Variants in SEC11A observed in about 807,000 individuals in gnomAD.
SEC11A encodes the protein SEC11 homolog A, signal peptidase complex subunit.
SEC11A carries 14 observed loss-of-function variants against 25.6 expected under a neutral mutation model. The observed-to-expected ratio is 0.55, with a 90% CI of 0.36 to 0.85. The LOEUF (loss-of-function observed/expected upper bound fraction) is 0.85, where lower values mean the gene tolerates loss of function less well. SEC11A is among the 40% of genes least tolerant of loss of function. The probability of loss-of-function intolerance (pLI) is 0.01; values close to 1 mark genes in which losing one functional copy is unlikely to be tolerated. For missense variants in SEC11A, 153 were observed against 222.9 expected (o/e 0.69, Z 2.00); for synonymous variants, 83 against 76.4 (o/e 1.09, Z -0.45).
At position 84,669,922 on chromosome 15, in the gene SEC11A, G is replaced by A. The variant is rs575496805; in HGVS notation, c.*97C>T. On this transcript the variant is annotated 3_prime_UTR_variant, in exon 6 of 6. Coordinates refer to ENST00000268220, the MANE Select transcript of SEC11A (RefSeq NM_014300.4). ...CAGTGCTACCCAGAAGCACCAACAC[G>A]TGTGTTCTCCATTCCACCAATCACA... 33 of 1,594,344 alleles carry A rather than the reference G, an allele frequency of 2.1e-5. No individual in the cohort carries two copies. The highest frequency in any genetic ancestry group is 1.6e-4 in the South Asian group (14 of 87,618).
chr15:84,707,687 G>A (rs1364702413), intron 1 of SEC11A, among the ~76,000 whole-genome samples: 2 of 152,106 alleles, frequency 1.3e-5, no homozygotes, highest in Non-Finnish European at 2.9e-5. Flanking sequence ...TAAAACCACA[G>A]TTTCTCCTAA....
intron 1 of SEC11A, among the ~76,000 whole-genome samples, chr15:84,703,240 C>G (rs942162251): frequency 6.6e-6 from 1 of 152,168 alleles, no homozygotes; most frequent in Non-Finnish European, 1.5e-5. Flanking sequence ...CCTGAACTCC[C>G]TGACATGCAC....
rs376788225 is a variant in SEC11A, at chr15:84,700,580, G to A, written c.52-8936C>T. On this transcript the variant is annotated intron_variant, in intron 1 of 5. Transcript: ENST00000268220. ...CTGCATTCGAGCCTGGGTGACAGAG[G>A]AAGACTCTGTCTCAAAAAAAAAAAA... Among the ~76,000 whole-genome samples, 483 of 93,690 alleles carry A rather than the reference G, an allele frequency of 5.2e-3. 1 individual carries two copies. Among genetic ancestry groups the A allele is most frequent in the African/African-American group, 0.019 (450 of 23,208 alleles). 61.5% of individuals were successfully genotyped at this position (93,690 alleles called of 152,430 possible). A position where few individuals can be genotyped will look rare whatever the true frequency, so the allele number is the denominator to read the frequency against.
chr15:84,692,310 G>C (rs1897635587), intron 1 of SEC11A, among the ~76,000 whole-genome samples: 1 of 152,072 alleles, frequency 6.6e-6, no homozygotes, highest in Non-Finnish European at 1.5e-5. Flanking sequence ...GGGATTACAG[G>C]CGTGAGTCAC....
chr15:84,712,621 T>A (rs1014105711), intron 1 of SEC11A, among the ~76,000 whole-genome samples: 1 of 151,912 alleles, frequency 6.6e-6, no homozygotes, highest in Non-Finnish European at 1.5e-5. Context: ...CTAATTTTTG[T>A]ATTTTTAGTA....
chr15:84,694,151 A>G (rs928190186), intron 1 of SEC11A, among the ~76,000 whole-genome samples: 3 of 151,554 alleles, frequency 2.0e-5, no homozygotes, highest in African/African-American at 7.3e-5. Context: ...GGCCAGAAGT[A>G]GGAGACCAGC....
At chr15:84,686,807 TC>T (rs952986643) in intron 3 of SEC11A, 1 of 151,724 alleles carries the variant, frequency 6.6e-6, no homozygotes, top group African/African-American at 2.4e-5. Flanking sequence ...CACACAATCC[TC>T]CCACCTCAGT....
chr15:84,701,125 T>A (rs1897927234), intron 1 of SEC11A, among the ~76,000 whole-genome samples: 1 of 142,338 alleles, frequency 7.0e-6, no homozygotes, highest in Non-Finnish European at 1.5e-5. Context: ...AAACTTGAAG[T>A]CATAACAATA....
chr15:84,675,240 A>T (rs1232470573), intron 4 of SEC11A, among the ~76,000 whole-genome samples: 1 of 152,248 alleles, frequency 6.6e-6, no homozygotes, highest in Non-Finnish European at 1.5e-5. Context: ...TAATATCTAG[A>T]AGGTAAAATG....
chr15:84,679,934 T>C, intron 4 of SEC11A: 1 of 1,529,664 alleles, frequency 6.5e-7, no homozygotes, highest in Non-Finnish European at 8.8e-7. Flanking sequence ...CAACTTACAA[T>C]TCCTGTCCTC....
chr15:84,669,990 A>G lies in SEC11A; in HGVS notation c.*29T>C. ...AACATCCAGTAACGAAAACTATGGC[A>G]TCTTCCCAGGAACAGCAAGGCAGGC... On this transcript the variant is annotated 3_prime_UTR_variant, in exon 6 of 6. Coordinates refer to ENST00000268220, the MANE Select transcript of SEC11A (RefSeq NM_014300.4). The G allele has an allele frequency of 6.2e-7, 1 of 1,613,598 alleles. No homozygotes were observed. Among genetic ancestry groups the G allele is most frequent in the Non-Finnish European group, 8.5e-7 (1 of 1,179,738 alleles).
intron 3 of SEC11A, among the ~76,000 whole-genome samples, chr15:84,681,894 C>G (rs1440076986): frequency 6.6e-6 from 1 of 152,078 alleles, no homozygotes; most frequent in African/African-American, 2.4e-5. Flanking sequence ...ACCTGGGCAA[C>G]ATGGCAAAGC....
Position 84,670,868 on chromosome 15 carries a change from T to C in SEC11A, c.432-86A>G, listed in dbSNP as rs969262363. On this transcript the variant is annotated intron_variant, in intron 4 of 5. Coordinates refer to ENST00000268220, the MANE Select transcript of SEC11A (RefSeq NM_014300.4). ...CACTGAATATTATCAATATCTTCTA[T>C]AGAATACTAATTTTCAATTCACAAA... is the stretch of plus-strand genomic sequence containing the variant. 5.2e-5 allele frequency: 31 copies of C among 590,748 alleles called. No individual in the cohort carries two copies. The East Asian group carries it at 5.4e-4, about 10-fold the overall frequency. 36.6% of individuals were successfully genotyped at this position (590,748 alleles called of 1,614,324 possible). A position where few individuals can be genotyped will look rare whatever the true frequency, so the allele number is the denominator to read the frequency against.
chr15:84,685,119 C>A (rs983569762), intron 3 of SEC11A, among the ~76,000 whole-genome samples: 1 of 152,074 alleles, frequency 6.6e-6, no homozygotes, highest in African/African-American at 2.4e-5. Context: ...ATTACAAGTA[C>A]CATATTTAAA....
intron 3 of SEC11A, chr15:84,686,907 C>G (rs1897443242): frequency 6.6e-6 from 1 of 152,220 alleles, no homozygotes; most frequent in Admixed American, 6.6e-5. Flanking sequence ...GAGTCTGGCT[C>G]TGTCGCCCAG....
At chr15:84,704,142 A>G (rs1315310857) in intron 1 of SEC11A, among the ~76,000 whole-genome samples, 3 of 152,234 alleles carry the variant, frequency 2.0e-5, no homozygotes, top group Non-Finnish European at 4.4e-5. Flanking sequence ...TGAAAGGAAC[A>G]GCAATTTCTT....
Position 84,670,778 on chromosome 15 carries a change from C to T in SEC11A, c.436G>A (p.Val146Ile). Residue 146 changes from valine to isoleucine, a missense_variant, in exon 5 of 6, where the codon GTT becomes ATT. Transcript: ENST00000268220. ...ATCGTCACAATTCCAATATAAGGAA[C>T]AAATCTAAAACAAACAAAAAACTGA... ...KDVVGRARGF[V>I]PYIGIVTILM... is the part of the protein sequence containing the mutation. 6.9e-7 allele frequency: 1 copy of T among 1,444,648 alleles called. No individual in the cohort carries two copies. Among genetic ancestry groups the T allele is most frequent in the Non-Finnish European group, 9.5e-7 (1 of 1,055,606 alleles). The allele number at this position is 1,444,648 out of a possible 1,614,324, so 89.5% of individuals were successfully genotyped here.
In SEC11A at chr15:84,699,455, G is replaced by T. The variant is rs539062126; in HGVS notation, c.52-7811C>A. 2.5e-4 allele frequency among the ~76,000 whole-genome samples: 38 copies of T among 152,182 alleles called. No homozygotes were observed. The South Asian group carries it at 6.8e-3, about 27-fold the overall frequency. On this transcript the variant is annotated intron_variant, in intron 1 of 5. Transcript: ENST00000268220. ...CAAAATATATGAAACAAGGGTTTTC[G>T]GACATTGGCTATATGACTGTGTTCA...
intron 1 of SEC11A, among the ~76,000 whole-genome samples, chr15:84,694,096 T>C (rs916547445): frequency 6.6e-6 from 1 of 152,162 alleles, no homozygotes; most frequent in South Asian, 2.1e-4. Flanking sequence ...GGCTCACATC[T>C]GTAATCCCAG....
Sources: allele counts gnomAD v4.1 joint callset (sites outside exome capture counted in the v4.1 genomes callset), GRCh38; gene constraint gnomAD v4.1.1; transcripts MANE v1.5; gene names NCBI Gene and HGNC (gene_info 2026-07-23, HGNC 2026-07-21).